The following SCLT1 variants were observed in gnomAD, a reference collection of about 807,000 sequenced individuals.
SCLT1 encodes the protein sodium channel-associated protein 1.
In SCLT1, 78 loss-of-function variants were observed where a neutral mutation model predicts 112.8. The observed-to-expected ratio is 0.69, with a 90% confidence interval of 0.58 to 0.83. The LOEUF is 0.83. Ranked by LOEUF, SCLT1 falls within the 40% of genes least tolerant of loss-of-function variation. The probability of loss-of-function intolerance (pLI) is 0.00; values close to 1 mark genes in which losing one functional copy is unlikely to be tolerated. For missense variants in SCLT1, 747 were observed against 770.4 expected (o/e 0.97, Z 0.36); for synonymous variants, 257 against 254.7 (o/e 1.01, Z -0.09).
At chr4:129,024,363 C>T (rs192207759) in intron 5 of SCLT1, among the ~76,000 whole-genome samples, 25 of 152,258 alleles carry the variant, frequency 1.6e-4, no homozygotes, top group African/African-American at 5.5e-4. Context: ...TCCAGAGGAA[C>T]GATCAGGCAG....
intron 5 of SCLT1, among the ~76,000 whole-genome samples, chr4:129,029,225 C>T (rs907777859): frequency 1.3e-5 from 2 of 152,010 alleles, no homozygotes; most frequent in Non-Finnish European, 2.9e-5. Context: ...GACACACGCA[C>T]ATGTATGTTT....
At position 128,899,789 on chromosome 4, in the gene SCLT1, C is replaced by A. The variant is rs1170922232; in HGVS notation, c.1830-8652G>T. On this transcript the variant is annotated intron_variant, in intron 18 of 20. Coordinates refer to ENST00000281142, the MANE Select transcript of SCLT1 (RefSeq NM_144643.4). The stretch of plus-strand genomic sequence containing the variant: ...ATCTAGAAAACCCCACTGTCTCAGC[C>A]CAAAATCTCCTTAAGCTGATAGGCA... Among the ~76,000 whole-genome samples the A allele has an allele frequency of 7.9e-5, 12 of 152,104 alleles. No homozygotes were observed. In the South Asian group the frequency reaches 2.5e-3, roughly 32 times the overall value.
intron 18 of SCLT1, among the ~76,000 whole-genome samples, chr4:128,896,087 C>T (rs1733731094): frequency 7.3e-6 from 1 of 136,358 alleles, no homozygotes; most frequent in African/African-American, 2.9e-5. Context: ...GGCCTGCCTG[C>T]CTCTGTAGGC....
chr4:129,022,113 C>G (rs1745538019), intron 5 of SCLT1, among the ~76,000 whole-genome samples: 1 of 151,942 alleles, frequency 6.6e-6, no homozygotes, highest in Admixed American at 6.6e-5. Context: ...CATAAAAGAC[C>G]CCCCCACAAA....
intron 5 of SCLT1, among the ~76,000 whole-genome samples, chr4:129,029,300 G>A (rs1428318832): frequency 7.9e-5 from 12 of 151,970 alleles, no homozygotes; most frequent in Admixed American, 6.6e-5. Context: ...ATGATAGACT[G>A]GATTAAGAAA....
chr4:129,088,068 T>C (rs960616940), intron 1 of SCLT1, among the ~76,000 whole-genome samples: 9 of 150,110 alleles, frequency 6.0e-5, no homozygotes, highest in Admixed American at 5.3e-4. Context: ...GCCTGGGCAA[T>C]AGAGGAAGAT....
chr4:128,974,335 C>A (rs1170713707), intron 9 of SCLT1, among the ~76,000 whole-genome samples: 2 of 151,716 alleles, frequency 1.3e-5, no homozygotes, highest in African/African-American at 4.8e-5. Context: ...CTTCCTGCAG[C>A]CTGCAAGTTG....
chr4:129,067,622 T>C (rs1347710628), intron 2 of SCLT1, among the ~76,000 whole-genome samples: 1 of 152,090 alleles, frequency 6.6e-6, no homozygotes, highest in Non-Finnish European at 1.5e-5. Context: ...GTGATTCTCC[T>C]GACTCAGCCT....
At chr4:128,962,845 T>TA (rs5861874) in intron 11 of SCLT1, among the ~76,000 whole-genome samples, 112,797 of 152,062 alleles carry the variant, frequency 0.74, 43,005 homozygotes, top group African/African-American at 0.93. Flanking sequence ...CTCACCCAAC[T>TA]AATCTTGAAG....
At chr4:128,900,336 C>A (rs187542176) in intron 18 of SCLT1, among the ~76,000 whole-genome samples, 1 of 152,128 alleles carries the variant, frequency 6.6e-6, no homozygotes, top group Non-Finnish European at 1.5e-5. Flanking sequence ...GAGATACAGA[C>A]CAATGGAACA....
At chr4:128,913,752 G>A (rs1031247175) in intron 18 of SCLT1, among the ~76,000 whole-genome samples, 3 of 152,066 alleles carry the variant, frequency 2.0e-5, no homozygotes, top group African/African-American at 7.2e-5. Flanking sequence ...GTGCCTATTG[G>A]CTTTTTCTGT....
At chr4:128,936,904 A>G (rs1737236437) in intron 17 of SCLT1, 53 bp from the exon 18 acceptor site, 1 of 795,582 alleles carries the variant, frequency 1.3e-6, no homozygotes, top group Non-Finnish European at 1.9e-6. Context: ...TAGGTGCTAT[A>G]CAGATCAATG....
chr4:128,919,764 C>T (rs917135521), intron 18 of SCLT1, among the ~76,000 whole-genome samples: 3 of 151,858 alleles, frequency 2.0e-5, no homozygotes, highest in Admixed American at 6.6e-5. Flanking sequence ...TCAGAGACTA[C>T]TATGAACATC....
At chr4:128,937,278 AAAAAAAAAAAAAAAG>A (rs1229333675) in intron 17 of SCLT1, among the ~76,000 whole-genome samples, 2 of 230 alleles carry the variant, frequency 8.7e-3, no homozygotes, top group East Asian at 0.25. Flanking sequence ...ACTCTGTCTC[AAAAAAAAAAAAAAAG>A]AAAAAAGAAA....
intron 2 of SCLT1, among the ~76,000 whole-genome samples, chr4:129,053,557 A>ATTTTGTT (rs1749042047): frequency 2.2e-5 from 1 of 45,218 alleles, no homozygotes; most frequent in Non-Finnish European, 3.9e-5. Flanking sequence ...GCAATCCCTG[A>ATTTTGTT]TTTTTTTTTT....
chr4:128,952,553 C>T, intron 14 of SCLT1: 1 of 576,576 alleles, frequency 1.7e-6, no homozygotes, highest in Admixed American at 2.9e-5. Context: ...CAGGTAGTTA[C>T]AGTAAAATGT....
chr4:129,040,171 AT>A, intron 4 of SCLT1: 1 of 702,660 alleles, frequency 1.4e-6, no homozygotes, highest in Non-Finnish European at 2.6e-6. Flanking sequence ...CTAACTATAA[AT>A]TTGGTTTGAA....
At chr4:128,915,010 A>G (rs1032250028) in intron 18 of SCLT1, among the ~76,000 whole-genome samples, 1 of 152,138 alleles carries the variant, frequency 6.6e-6, no homozygotes, top group Non-Finnish European at 1.5e-5. Flanking sequence ...ATTCAAGTTG[A>G]AAGGATTCTT....
intron 18 of SCLT1, among the ~76,000 whole-genome samples, chr4:128,896,895 G>A (rs901181551): frequency 3.3e-5 from 5 of 152,296 alleles, no homozygotes; most frequent in Admixed American, 6.5e-5. Context: ...CTCAGTAGCC[G>A]ATTCGATCAA....
Sources: allele counts gnomAD v4.1 joint callset (sites outside exome capture counted in the v4.1 genomes callset), GRCh38; gene constraint gnomAD v4.1.1; transcripts MANE v1.5; gene names NCBI Gene and HGNC (gene_info 2026-07-23, HGNC 2026-07-21).